The following TCERG1 variants were observed in gnomAD, a reference collection of about 807,000 sequenced individuals.
The protein encoded by TCERG1 is transcription elongation regulator 1.
TCERG1 carries 37 observed loss-of-function variants against 144.7 expected under a neutral mutation model. The ratio of observed to expected loss-of-function variants is 0.26; its 90% CI spans 0.20 to 0.34. The LOEUF is 0.34. TCERG1 is among the 10% of genes least tolerant of loss of function. TCERG1 has a pLI of 1.00. For missense variants in TCERG1, 1,027 were observed against 1,380.7 expected (o/e 0.74, Z 4.06); for synonymous variants, 492 against 458.2 (o/e 1.07, Z -0.94).
At chr5:146,501,018 AAG>A (rs1314693289) in intron 17 of TCERG1, among the ~76,000 whole-genome samples, 2 of 151,706 alleles carry the variant, frequency 1.3e-5, no homozygotes, top group African/African-American at 4.8e-5. Context: ...AAAAAAAAAA[AAG>A]AAAAAAAAGT....
At chr5:146,484,403 T>C (rs1765639241) in intron 15 of TCERG1, among the ~76,000 whole-genome samples, 1 of 152,212 alleles carries the variant, frequency 6.6e-6, no homozygotes, top group South Asian at 2.1e-4. Context: ...GGTGAGTATG[T>C]GGAACCACTT....
At position 146,510,702 on chromosome 5, in the gene TCERG1, G is replaced by C; in HGVS notation, c.*60G>C. On this transcript the variant is annotated 3_prime_UTR_variant, in exon 23 of 23. Coordinates refer to ENST00000679501, the MANE Select transcript of TCERG1 (RefSeq NM_001382548.1). The stretch of plus-strand genomic sequence containing the variant: ...AATGCTTGCATGAGCCAATTTTCAG[G>C]TTTTTACATATATGTGCATTAGTCA... 6.5e-7 allele frequency: 1 copy of C among 1,542,524 alleles called. No homozygotes were observed. The highest frequency in any genetic ancestry group is 1.2e-5 in the South Asian group (1 of 83,226).
intron 5 of TCERG1, among the ~76,000 whole-genome samples, chr5:146,465,862 C>G (rs1021053368): frequency 3.9e-5 from 6 of 151,974 alleles, no homozygotes; most frequent in African/African-American, 1.5e-4. Context: ...AACCCCATCT[C>G]TACTAAAAAT....
At chr5:146,490,121 C>G (rs1326245064) in intron 15 of TCERG1, among the ~76,000 whole-genome samples, 1 of 152,128 alleles carries the variant, frequency 6.6e-6, no homozygotes, top group East Asian at 1.9e-4. Context: ...CTTCAGCATG[C>G]AAATACTTTC....
chr5:146,480,650 A>G (rs1383232082), intron 12 of TCERG1: 1 of 152,268 alleles, frequency 6.6e-6, no homozygotes, highest in Non-Finnish European at 1.5e-5. Context: ...GGTAGAGGGT[A>G]TGCATGTATG....
At chr5:146,468,079 A>T (rs1246825667) in intron 5 of TCERG1, among the ~76,000 whole-genome samples, 1 of 152,210 alleles carries the variant, frequency 6.6e-6, no homozygotes, top group African/African-American at 2.4e-5. Flanking sequence ...CTTTTGTTGA[A>T]TTTAAACTCT....
At chr5:146,465,155 A>G (rs1277204141) in intron 5 of TCERG1, among the ~76,000 whole-genome samples, 2 of 152,238 alleles carry the variant, frequency 1.3e-5, no homozygotes, top group Non-Finnish European at 2.9e-5. Flanking sequence ...TGGGAAAACT[A>G]AATCATAGAT....
rs1765186072 is a variant in TCERG1 at position 146,479,885 on chromosome 5, A to C, written c.1793A>C (p.Gln598Pro). The change falls in exon 11 of 23, where the codon CAA becomes CCA. Residue 598 changes from glutamine (Q) to proline (P), a missense_variant. Physicochemically the swap from Gln to Pro is moderately conservative, Grantham distance 76. Transcript: ENST00000679501. ...RHPTPTMLSI[Q>P]KWQFSMSAIK... ...CCAACTCCGACAATGCTGTCGATCC[A>C]AAAGTGGCAATTCTCTATGAGTGCA... 1.2e-6 allele frequency: 2 copies of C among 1,613,574 alleles called. No homozygotes were observed.
intron 7 of TCERG1, 96 bp from the exon 8 acceptor site, chr5:146,470,535 TTAATA>T: frequency 1.1e-6 from 1 of 922,214 alleles, no homozygotes; most frequent in Non-Finnish European, 1.6e-6. Context: ...ATCTTCATGG[TTAATA>T]CTTGGGAATG....
At chr5:146,500,545 A>G (rs999765843) in intron 17 of TCERG1, among the ~76,000 whole-genome samples, 1 of 152,218 alleles carries the variant, frequency 6.6e-6, no homozygotes, top group Non-Finnish European at 1.5e-5. Context: ...ATAGCTGAAC[A>G]CTAAAGGTTT....
chr5:146,479,800 G>C, intron 10 of TCERG1, 55 bp from the exon 11 acceptor site: 1 of 1,584,674 alleles, frequency 6.3e-7, no homozygotes, highest in Non-Finnish European at 8.6e-7. Context: ...AAAAAGAAAA[G>C]TTTGTGAAAT....
At chr5:146,466,592 G>T (rs916552247) in intron 5 of TCERG1, among the ~76,000 whole-genome samples, 56 of 151,950 alleles carry the variant, frequency 3.7e-4, no homozygotes, top group African/African-American at 1.2e-3. Context: ...TTGAACAAAA[G>T]CTCCCTCTAA....
intron 9 of TCERG1, among the ~76,000 whole-genome samples, chr5:146,476,716 T>A (rs1197620434): frequency 6.6e-6 from 1 of 152,204 alleles, no homozygotes; most frequent in Non-Finnish European, 1.5e-5. Context: ...GTGGTCCTCA[T>A]TAATTTTCGG....
intron 11 of TCERG1, 56 bp downstream of exon 11, chr5:146,479,967 T>C (rs1235476233): frequency 1.3e-5 from 21 of 1,604,558 alleles, no homozygotes; most frequent in Non-Finnish European, 1.7e-5. Context: ...AAGCAAGTGT[T>C]CTGGTAGTGA....
chr5:146,498,951 G>A (rs1409670408), intron 17 of TCERG1, among the ~76,000 whole-genome samples: 1 of 152,176 alleles, frequency 6.6e-6, no homozygotes, highest in Non-Finnish European at 1.5e-5. Flanking sequence ...ACTCAGAACA[G>A]GTTGTTAGGA....
chr5:146,510,318 TAAAAAAAAAAA>T (rs546570760), intron 22 of TCERG1, 112 bp from the exon 23 acceptor site: 5 of 550,954 alleles, frequency 9.1e-6, no homozygotes, highest in Admixed American at 3.9e-5. Flanking sequence ...AAATTTTTCT[TAAAAAAAAAAA>T]AAAAAAAAAA....
intron 1 of TCERG1, among the ~76,000 whole-genome samples, chr5:146,448,710 T>A (rs1762108206): frequency 6.6e-6 from 1 of 152,162 alleles, no homozygotes; most frequent in Non-Finnish European, 1.5e-5. Context: ...AGAAATGAAA[T>A]TTTGTTTTAT....
chr5:146,497,817 T>C (rs1018845497), intron 16 of TCERG1, among the ~76,000 whole-genome samples: 10 of 152,240 alleles, frequency 6.6e-5, no homozygotes, highest in African/African-American at 2.4e-4. Flanking sequence ...CTCCCTTTAA[T>C]ACTACTGACT....
chr5:146,457,221 T>G lies in TCERG1; in HGVS notation c.324T>G (p.Pro108=), dbSNP rs781557089. 4 of 1,614,126 alleles carry G rather than the reference T, an allele frequency of 2.5e-6. No individual in the cohort carries two copies. The highest frequency in any genetic ancestry group is 1.3e-5 in the African/African-American group (1 of 75,054). The part of the protein sequence containing the change: ...PFMPPPMSSM[P]PPPGMMFPPG... ...TGCCTCCTCCCATGAGTTCCATGCCTCCTCCTCCGGGTATGATGTTTCCAC... is the reference window on the plus strand; with the variant it reads ...TGCCTCCTCCCATGAGTTCCATGCCGCCTCCTCCGGGTATGATGTTTCCAC... Residue 108 remains proline (P), a synonymous_variant, in exon 3 of 23, where the codon CCT becomes CCG. Coordinates refer to ENST00000679501, the MANE Select transcript of TCERG1 (RefSeq NM_001382548.1).
Sources: allele counts gnomAD v4.1 joint callset (sites outside exome capture counted in the v4.1 genomes callset), GRCh38; gene constraint gnomAD v4.1.1; transcripts MANE v1.5; gene names NCBI Gene and HGNC (gene_info 2026-07-23, HGNC 2026-07-21).